RAB40C: variants seen among roughly 807,000 people sequenced by gnomAD.
RAB40C encodes the protein RAB40C, member RAS oncogene family.
A neutral mutation model predicts 28.1 loss-of-function variants in RAB40C; 8 were observed. That is an observed-to-expected ratio of 0.28 (90% CI 0.17 to 0.51). The LOEUF (loss-of-function observed/expected upper bound fraction) is 0.51, where lower values mean the gene tolerates loss of function less well. Ranked by LOEUF, RAB40C falls within the 20% of genes least tolerant of loss-of-function variation. The pLI is 0.97. For missense variants in RAB40C, 288 were observed against 405.9 expected, an observed-to-expected ratio of 0.71 and a Z score of 2.50; for synonymous variants, 201 against 171.7, an observed-to-expected ratio of 1.17 and a Z score of -1.34.
At chr16:592,236 A>G (rs1197359538) in intron 1 of RAB40C, among the ~76,000 whole-genome samples, 2 of 151,956 alleles carry the variant, frequency 1.3e-5, no homozygotes, top group African/African-American at 2.4e-5. Flanking sequence ...AGCGTCTGCT[A>G]TTTGCTGAAT....
intron 3 of RAB40C, chr16:624,124 TGTC>T (rs1394130351): frequency 9.1e-5 from 90 of 985,296 alleles, no homozygotes; most frequent in Admixed American, 1.2e-4. Flanking sequence ...GTGTCTGGCT[TGTC>T]GTTGTTATCA....
chr16:618,076 A>G, intron 2 of RAB40C, 124 bp from the exon 3 acceptor site: 4 of 835,798 alleles, frequency 4.8e-6, no homozygotes, highest in East Asian at 5.4e-5. Flanking sequence ...GCACAGCCTC[A>G]TTGGCACCTG....
chr16:590,772 AGAAGGTGTCATGGGCCTGGG>A (rs2035977267), intron 1 of RAB40C, among the ~76,000 whole-genome samples: 1 of 149,214 alleles, frequency 6.7e-6, no homozygotes, highest in Non-Finnish European at 1.5e-5. Flanking sequence ...TGGGTCCTAG[AGAAGGTGTCATGGGCCTGGG>A]GAAGGTGTCA....
intron 3 of RAB40C, among the ~76,000 whole-genome samples, chr16:620,289 A>C (rs2151077918): frequency 6.6e-6 from 1 of 152,280 alleles, no homozygotes; most frequent in East Asian, 1.9e-4. Flanking sequence ...GCTACTTAGG[A>C]GGCTGAGGCA....
At position 607,972 on chromosome 16, in the gene RAB40C, G is replaced by C. The variant is rs367616611; in HGVS notation, c.143-9236G>C. Among the ~76,000 whole-genome samples, 43 of 152,204 alleles carry C rather than the reference G, an allele frequency of 2.8e-4. No individual in the cohort carries two copies. The South Asian group carries it at 6.0e-3, about 21-fold the overall frequency. ...GAGACCCCCTCTGAAGGGTGCCTGA[G>C]TCTGCAGCCAGGCAACGTGCTGTGC... On this transcript the variant is annotated intron_variant, in intron 1 of 5. Coordinates refer to ENST00000248139, the MANE Select transcript of RAB40C (RefSeq NM_021168.5).
intron 1 of RAB40C, among the ~76,000 whole-genome samples, chr16:602,473 A>C (rs534834140): frequency 2.2e-4 from 33 of 151,820 alleles, no homozygotes; most frequent in South Asian, 4.2e-4. Context: ...GCTCTTGTCC[A>C]CCAGGCTGGA....
chr16:628,953 A>G lies in RAB40C; in HGVS notation c.*1331A>G, dbSNP rs1025524688. On this transcript the variant is annotated 3_prime_UTR_variant, in exon 6 of 6. Transcript: ENST00000248139. The stretch of plus-strand genomic sequence containing the variant: ...TACTGGGCACCAGTGGACTCGCCCC[A>G]TGGCCCGTTCCTGGGAGATGAGGGC... 2 of 153,532 alleles carry G rather than the reference A, an allele frequency of 1.3e-5. No homozygotes were observed. Among genetic ancestry groups the G allele is most frequent in the Non-Finnish European group, 2.9e-5 (2 of 68,846 alleles). The allele number at this position is 153,532 out of a possible 1,614,324, so 9.5% of individuals were successfully genotyped here. A position where few individuals can be genotyped will look rare whatever the true frequency, so the allele number is the denominator to read the frequency against.
At chr16:602,950 G>C (rs2036283214) in intron 1 of RAB40C, among the ~76,000 whole-genome samples, 1 of 152,174 alleles carries the variant, frequency 6.6e-6, no homozygotes, top group African/African-American at 2.4e-5. Flanking sequence ...AGTAATCTGA[G>C]AGCTATGGGA....
intron 3 of RAB40C, chr16:624,670 G>A: frequency 1.0e-6 from 1 of 985,488 alleles, no homozygotes; most frequent in South Asian, 4.7e-5. Flanking sequence ...TAGGAGTAGG[G>A]TGGATCACAG....
At chr16:617,178 G>C in intron 1 of RAB40C, 30 bp from the exon 2 acceptor site, 2 of 1,611,294 alleles carry the variant, frequency 1.2e-6, no homozygotes, top group Non-Finnish European at 1.7e-6. Context: ...GGAGTGGCGC[G>C]TCCCCTCAGC....
Position 625,989 on chromosome 16 carries a change from G to A in RAB40C, c.433G>A (p.Ala145Thr). The change falls in exon 5 of 6, where the codon GCA (alanine) becomes ACA (threonine). Residue 145 changes from alanine (A) to threonine (T), a missense_variant. Around this residue, in one of 3 missense-constraint regions of RAB40C, gnomAD observed 153 missense variants for 262.4 expected, o/e 0.58. Coordinates refer to ENST00000248139, the MANE Select transcript of RAB40C (RefSeq NM_021168.5). ...CCCGACGGAGCAGGCCCGCGCGTACGCAGAGAAGAACTGCATGACCTTCTT... is the reference window on the plus strand; with the variant it reads ...CCCGACGGAGCAGGCCCGCGCGTACACAGAGAAGAACTGCATGACCTTCTT... ...QVPTEQARAY[A>T]EKNCMTFFEV... 1.9e-6 allele frequency: 3 copies of A among 1,613,260 alleles called. No individual in the cohort carries two copies. The highest frequency in any genetic ancestry group is 2.5e-6 in the Non-Finnish European group (3 of 1,180,006).
At chr16:615,733 G>A (rs1052670867) in intron 1 of RAB40C, among the ~76,000 whole-genome samples, 16 of 152,150 alleles carry the variant, frequency 1.1e-4, no homozygotes, top group Non-Finnish European at 1.5e-4. Flanking sequence ...AGGCCAAGGC[G>A]GGCGAATCAC....
At chr16:614,379 G>A (rs1229454094) in intron 1 of RAB40C, among the ~76,000 whole-genome samples, 4 of 108,372 alleles carry the variant, frequency 3.7e-5, no homozygotes, top group Non-Finnish European at 5.8e-5. Flanking sequence ...ACCTCGTCCC[G>A]ATGGTGAACT....
chr16:596,266 G>C, intron 1 of RAB40C: 2 of 455,778 alleles, frequency 4.4e-6, no homozygotes, highest in Non-Finnish European at 8.8e-6. Flanking sequence ...AAGGACACAA[G>C]GGAGGGATCT....
rs74971514 is a variant in RAB40C at position 611,395 on chromosome 16, T to C, written c.143-5813T>C. Among the ~76,000 whole-genome samples the C allele has an allele frequency of 6.6e-4, 100 of 152,320 alleles. 6 individuals carry two copies. The South Asian group carries it at 0.012, about 19-fold the overall frequency. ...GTCAAGGAGAAGCAGCTATGGCCTT[T>C]GTGGCAATCGTGGTGTCCAACTTTG... On this transcript the variant is annotated intron_variant, in intron 1 of 5. Coordinates refer to ENST00000248139, the MANE Select transcript of RAB40C (RefSeq NM_021168.5).
chr16:599,153 A>G (rs1005533325), intron 1 of RAB40C, among the ~76,000 whole-genome samples: 29 of 152,252 alleles, frequency 1.9e-4, no homozygotes, highest in Non-Finnish European at 3.5e-4. Flanking sequence ...GTTTCGGTCC[A>G]GAAAGTCACT....
At chr16:599,263 C>T (rs2036198655) in intron 1 of RAB40C, among the ~76,000 whole-genome samples, 1 of 152,252 alleles carries the variant, frequency 6.6e-6, no homozygotes, top group Admixed American at 6.5e-5. Context: ...CAGCTTTGCT[C>T]CGAGGGGTGT....
intron 1 of RAB40C, among the ~76,000 whole-genome samples, chr16:591,259 G>A (rs969785038): frequency 9.9e-5 from 15 of 151,224 alleles, no homozygotes; most frequent in South Asian, 2.1e-4. Flanking sequence ...TGGGGTCTGA[G>A]GGAAGGTGTC....
chr16:624,641 C>G (rs1478839631), intron 3 of RAB40C: 1 of 985,336 alleles, frequency 1.0e-6, no homozygotes, highest in Admixed American at 6.1e-5. Context: ...TCTTCCATTA[C>G]GTGAAGGTTT....
Sources: gnomAD v4.1 joint callset for allele counts (sites outside exome capture counted in the v4.1 genomes callset) on GRCh38, gnomAD v4.1.1 for gene constraint, gnomAD v4.1.1 regional missense constraint, MANE v1.5 for transcripts, NCBI Gene and HGNC (gene_info 2026-07-23, HGNC 2026-07-21) for gene names.